Variants in RANBP2 observed in about 807,000 individuals in gnomAD.
RANBP2 encodes E3 SUMO-protein ligase RanBP2.
A neutral mutation model predicts 303.6 loss-of-function variants in RANBP2; 57 were observed. The ratio of observed to expected loss-of-function variants is 0.19; its 90% confidence interval spans 0.15 to 0.23. RANBP2 has a LOEUF of 0.23. RANBP2 is among the 10% of genes least tolerant of loss of function. RANBP2 has a pLI of 1.00. For synonymous variants in RANBP2, 1,167 were observed against 1,301.5 expected (o/e 0.90, Z 2.23); for missense variants, 3,138 against 3,780.8 (o/e 0.83, Z 4.46).
chr2:109,320,373 TACA>T, the RANBP2 span, among the ~76,000 whole-genome samples: 1 of 152,104 alleles, frequency 6.6e-6, no homozygotes, highest in African/African-American at 2.4e-5. Flanking sequence ...GAGCAGCAGG[TACA>T]ACGTTTGATC....
At chr2:109,456,141 T>A in the RANBP2 span, among the ~76,000 whole-genome samples, 2 of 152,294 alleles carry the variant, frequency 1.3e-5, no homozygotes, top group South Asian at 4.1e-4. Flanking sequence ...CTGAAGAGTC[T>A]CATGGTCAGC....
chr2:109,528,314 C>T, the RANBP2 span, among the ~76,000 whole-genome samples: 3 of 152,256 alleles, frequency 2.0e-5, no homozygotes, highest in Non-Finnish European at 4.4e-5. Context: ...CAAGGCCCAG[C>T]AGAGCAAGGG....
chr2:109,582,343 G>C, the RANBP2 span, among the ~76,000 whole-genome samples: 2 of 152,026 alleles, frequency 1.3e-5, no homozygotes, highest in Non-Finnish European at 2.9e-5. Context: ...TTTTTGAGAA[G>C]GTATCACTCT....
the RANBP2 span, among the ~76,000 whole-genome samples, chr2:109,452,400 T>G: frequency 3.0e-4 from 45 of 152,318 alleles, no homozygotes; most frequent in Admixed American, 6.5e-4. Flanking sequence ...TATTCTCCAG[T>G]CTGTTTCTGT....
At chr2:109,116,724 C>T in the RANBP2 span, among the ~76,000 whole-genome samples, 12 of 152,184 alleles carry the variant, frequency 7.9e-5, no homozygotes, top group Admixed American at 7.9e-4. Flanking sequence ...TCAGAGTTTC[C>T]AGTTTTTCTG....
At chr2:109,316,043 C>A in the RANBP2 span, among the ~76,000 whole-genome samples, 1 of 152,126 alleles carries the variant, frequency 6.6e-6, no homozygotes, top group Admixed American at 6.5e-5. Context: ...CAAAGATTCC[C>A]AGTATTTAGA....
chr2:108,961,014 G>A, the RANBP2 span, among the ~76,000 whole-genome samples: 1 of 152,192 alleles, frequency 6.6e-6, no homozygotes, highest in Non-Finnish European at 1.5e-5. Context: ...CCTTACAATA[G>A]AGTCCCAGTG....
At chr2:109,646,286 G>A in the RANBP2 span, among the ~76,000 whole-genome samples, 3 of 151,880 alleles carry the variant, frequency 2.0e-5, no homozygotes, top group Admixed American at 1.3e-4. Flanking sequence ...AATGTAAGGG[G>A]GCAAGAGGCA....
the RANBP2 span, among the ~76,000 whole-genome samples, chr2:109,149,701 G>C: frequency 2.6e-5 from 4 of 152,218 alleles, no homozygotes; most frequent in African/African-American, 9.7e-5. Context: ...AGATAGTCTG[G>C]CCTCGTGGTG....
chr2:109,693,445 C>T, the RANBP2 span, among the ~76,000 whole-genome samples: 1 of 152,162 alleles, frequency 6.6e-6, no homozygotes, highest in African/African-American at 2.4e-5. Context: ...AGGTGTGAGC[C>T]ACCACACCCG....
chr2:109,719,507 A>G, the RANBP2 span, among the ~76,000 whole-genome samples: 1 of 151,378 alleles, frequency 6.6e-6, no homozygotes, highest in African/African-American at 2.4e-5. Context: ...CCCCGGTTCA[A>G]GCAATTCTCC....
the RANBP2 span, among the ~76,000 whole-genome samples, chr2:109,020,586 T>C: frequency 6.6e-6 from 1 of 152,120 alleles, no homozygotes; most frequent in African/African-American, 2.4e-5. Flanking sequence ...TGGATCCAGA[T>C]GGGAAGAAGA....
chr2:109,334,839 A>G, the RANBP2 span, among the ~76,000 whole-genome samples: 2 of 152,292 alleles, frequency 1.3e-5, no homozygotes, highest in African/African-American at 2.4e-5. Flanking sequence ...TCCCCTCAGT[A>G]GCACTTCCAG....
chr2:109,179,852 T>G, the RANBP2 span, among the ~76,000 whole-genome samples: 1 of 152,214 alleles, frequency 6.6e-6, no homozygotes, highest in African/African-American at 2.4e-5. Context: ...TAAACCACGC[T>G]GTCTCTTACC....
chr2:109,438,862 A>G, the RANBP2 span, among the ~76,000 whole-genome samples: 2 of 152,294 alleles, frequency 1.3e-5, no homozygotes, highest in East Asian at 3.9e-4. Context: ...CAGGGGAGCA[A>G]AAGTCCCAGG....
chr2:108,910,928 G>T, the RANBP2 span: 1 of 1,614,104 alleles, frequency 6.2e-7, no homozygotes. Context: ...GCAGGGCACC[G>T]GCGCATGGGG....
At chr2:109,005,945 T>C in the RANBP2 span, among the ~76,000 whole-genome samples, 2 of 152,112 alleles carry the variant, frequency 1.3e-5, no homozygotes, top group South Asian at 2.1e-4. Flanking sequence ...GAGCTGCCCA[T>C]GTGTTCAGCT....
the RANBP2 span, among the ~76,000 whole-genome samples, chr2:109,632,539 C>T: frequency 2.0e-5 from 3 of 152,170 alleles, no homozygotes; most frequent in Non-Finnish European, 2.9e-5. Flanking sequence ...TCCAGCCGGG[C>T]GCAGTGGCTC....
At chr2:109,177,049 G>T in the RANBP2 span, among the ~76,000 whole-genome samples, 4 of 152,302 alleles carry the variant, frequency 2.6e-5, 1 homozygote, top group East Asian at 7.7e-4. Flanking sequence ...GTGTGACCTG[G>T]TGGAAGTTAC....
Sources: gnomAD v4.1 joint callset for allele counts (sites outside exome capture counted in the v4.1 genomes callset) on GRCh38, gnomAD v4.1.1 for gene constraint, MANE v1.5 for transcripts, NCBI Gene and HGNC (gene_info 2026-07-23, HGNC 2026-07-21) for gene names.